MCF2L: variants seen among roughly 807,000 people sequenced by gnomAD.
MCF2L encodes the protein guanine nucleotide exchange factor DBS.
MCF2L carries 97 observed loss-of-function variants against 153.4 expected under a neutral mutation model. That is an observed-to-expected ratio of 0.63 (90% CI 0.54 to 0.75). The LOEUF (loss-of-function observed/expected upper bound fraction) is 0.75. Ranked by LOEUF, MCF2L falls within the 30% of genes least tolerant of loss-of-function variation. The pLI, the probability that MCF2L is intolerant of heterozygous loss-of-function variation, is 0.00. For synonymous variants in MCF2L, 659 were observed against 632.2 expected (o/e 1.04, Z -0.64); for missense variants, 1,347 against 1,495.2 (o/e 0.90, Z 1.64).
intron 1 of MCF2L, chr13:113,001,456 A>C: frequency 6.4e-6 from 1 of 157,260 alleles, no homozygotes; most frequent in Non-Finnish European, 1.4e-5. Flanking sequence ...AGCACAGGGG[A>C]TGCGGACCTC....
intron 1 of MCF2L, among the ~76,000 whole-genome samples, chr13:113,000,904 C>G (rs1052424261): frequency 2.0e-5 from 3 of 152,194 alleles, no homozygotes; most frequent in South Asian, 4.1e-4. Flanking sequence ...GGGGCTGACT[C>G]CAGCAGTGGG....
At chr13:113,015,900 A>C (rs931105828) in intron 2 of MCF2L, among the ~76,000 whole-genome samples, 1 of 152,162 alleles carries the variant, frequency 6.6e-6, no homozygotes, top group Non-Finnish European at 1.5e-5. Context: ...GTGATGGCTC[A>C]AGAGAGGCGC....
At chr13:112,997,384 C>T (rs541827426) in intron 1 of MCF2L, among the ~76,000 whole-genome samples, 2 of 152,310 alleles carry the variant, frequency 1.3e-5, no homozygotes, top group East Asian at 1.9e-4. Context: ...ACAGGCAGCT[C>T]CTGCAGACAC....
rs1367629650 is a variant in MCF2L at position 112,906,205 on chromosome 13, ACT to A, written c.169+3837_169+3838del. Among the ~76,000 whole-genome samples the A allele has an allele frequency of 1.4e-4, 22 of 152,168 alleles. 1 individual carries two copies. Among genetic ancestry groups the A allele is most frequent in the Middle Eastern group, 3.4e-3 (1 of 294 alleles). On this transcript the variant is annotated intron_variant, in intron 2 of 29. Coordinates refer to the MCF2L transcript ENST00000375608. ...AGTGTTCCACCACATTGTTTCAGTG[ACT>A]CTGCGATTAACTGTTTCACAGTCAG...
intron 2 of MCF2L, 49 bp downstream of exon 2, chr13:113,014,895 G>C (rs980113862): frequency 6.4e-7 from 1 of 1,566,892 alleles, no homozygotes; most frequent in Non-Finnish European, 8.8e-7. Flanking sequence ...GTCTGGGGCC[G>C]GGTGTGGGCC....
chr13:113,096,414 G>T lies in MCF2L; in HGVS notation c.3119G>T (p.Gly1040Val). ...YTVVADHEKG[G>V]PDALRVRSGD... ...GTCGTGGCGGACCACGAGAAGGGAG[G>T]CCCCGATGCGCTGCGCGTGAGGAGC... Residue 1040 changes from glycine (G) to valine (V), a missense_variant, in exon 28 of 30, where the codon GGC becomes GTC. Gly to Val is a moderately radical substitution (Grantham distance 109). Coordinates refer to ENST00000535094, the MANE Select transcript of MCF2L (RefSeq NM_001112732.3). The T allele has an allele frequency of 6.3e-7, 1 of 1,595,074 alleles. No individual in the cohort carries two copies. The highest frequency in any genetic ancestry group is 2.3e-5 in the East Asian group (1 of 43,996).
At chr13:112,899,467 C>T (rs548121177) in intron 1 of MCF2L, among the ~76,000 whole-genome samples, 4 of 152,292 alleles carry the variant, frequency 2.6e-5, no homozygotes, top group East Asian at 1.9e-4. Context: ...CCTCTCGGGG[C>T]GGGAAAGTCT....
At chr13:112,948,863 C>A (rs937545752) in intron 2 of MCF2L, among the ~76,000 whole-genome samples, 1 of 152,198 alleles carries the variant, frequency 6.6e-6, no homozygotes, top group African/African-American at 2.4e-5. Flanking sequence ...GCCAGGAGTT[C>A]GAGACCAGCC....
intron 1 of MCF2L, among the ~76,000 whole-genome samples, chr13:113,000,648 G>A (rs368131842): frequency 2.0e-5 from 3 of 152,228 alleles, no homozygotes; most frequent in African/African-American, 7.2e-5. Context: ...TGAGGGAGCC[G>A]AGGTTTCCAG....
At chr13:112,918,102 G>A (rs1417914990) in intron 2 of MCF2L, among the ~76,000 whole-genome samples, 2 of 152,212 alleles carry the variant, frequency 1.3e-5, no homozygotes, top group African/African-American at 4.8e-5. Context: ...TTGAAGGCAG[G>A]ACCTGTCTCT....
chr13:113,017,128 G>C (rs1285885407), intron 2 of MCF2L, among the ~76,000 whole-genome samples: 1 of 152,188 alleles, frequency 6.6e-6, no homozygotes. Context: ...GGGTGTGTGC[G>C]TTGCCAATCG....
chr13:113,097,249 A>T lies in MCF2L; in HGVS notation c.*390A>T. 5.6e-6 allele frequency: 1 copy of T among 179,246 alleles called. No homozygotes were observed. The highest frequency in any genetic ancestry group is 1.2e-5 in the Non-Finnish European group (1 of 85,736). The allele number at this position is 179,246 out of a possible 1,614,324, so 11.1% of individuals were successfully genotyped here. A position where few individuals can be genotyped will look rare whatever the true frequency, so the allele number is the denominator to read the frequency against. On this transcript the variant is annotated 3_prime_UTR_variant, in exon 30 of 30. Coordinates refer to ENST00000535094, the MANE Select transcript of MCF2L (RefSeq NM_001112732.3). Reference sequence around the variant, plus strand: ...GCCAACGGCCTGAGGAGAGCGGGGCACGGGGTCTCTTTAGCTTTTACAAGT... The same window carrying T: ...GCCAACGGCCTGAGGAGAGCGGGGCTCGGGGTCTCTTTAGCTTTTACAAGT...
At chr13:113,001,964 G>C in intron 1 of MCF2L, 1 of 1,590,768 alleles carries the variant, frequency 6.3e-7, no homozygotes, top group Non-Finnish European at 8.5e-7. Flanking sequence ...CGCTGTGGCT[G>C]CTGCTGAAGG....
intron 1 of MCF2L, among the ~76,000 whole-genome samples, chr13:113,007,032 C>T (rs949439259): frequency 1.3e-5 from 2 of 152,184 alleles, no homozygotes; most frequent in Non-Finnish European, 2.9e-5. Context: ...CATCCTGAAA[C>T]CCGGCCTCCT....
intron 16 of MCF2L, among the ~76,000 whole-genome samples, chr13:113,081,820 G>A (rs1024979860): frequency 4.0e-5 from 6 of 151,894 alleles, no homozygotes; most frequent in South Asian, 2.1e-4. Context: ...CCGAATCACC[G>A]AGTGTTCAGA....
rs200361957 is a variant in MCF2L at position 113,033,381 on chromosome 13, G to A, written c.278+8623G>A. Among the ~76,000 whole-genome samples, 58 of 98,880 alleles carry A rather than the reference G, an allele frequency of 5.9e-4. 1 individual carries two copies. The highest frequency in any genetic ancestry group is 5.4e-3 in the Middle Eastern group (1 of 186). 64.9% of individuals were successfully genotyped at this position (98,880 alleles called of 152,430 possible). On this transcript the variant is annotated intron_variant, in intron 3 of 29. Transcript: ENST00000535094. ...GTGGCGTGAGTGGCCCCCGTGACGTGAGTGGCCCCCGTGATGTGAGTGGAC... is the reference window on the plus strand; with the variant it reads ...GTGGCGTGAGTGGCCCCCGTGACGTAAGTGGCCCCCGTGATGTGAGTGGAC...
chr13:113,025,191 G>A (rs1297085534), intron 3 of MCF2L, among the ~76,000 whole-genome samples: 1 of 113,654 alleles, frequency 8.8e-6, no homozygotes, highest in African/African-American at 3.3e-5. Context: ...GTCCCTGTGA[G>A]GTTTCCCCAT....
rs1594774169 is a variant in MCF2L, at chr13:113,035,046, C to T, written c.279-10225C>T. Among the ~76,000 whole-genome samples the T allele has an allele frequency of 6.6e-6, 1 of 152,210 alleles. No individual in the cohort carries two copies. Among genetic ancestry groups the T allele is most frequent in the Non-Finnish European group, 1.5e-5 (1 of 68,048 alleles). On this transcript the variant is annotated intron_variant, in intron 3 of 29. Coordinates refer to ENST00000535094, the MANE Select transcript of MCF2L (RefSeq NM_001112732.3). This position sits in a 1 kb window ranked among gnomAD's most constrained non-coding sequence, Gnocchi z 4.4. ...AGGAAGAGCATGGCCCCCGTGAAGCCCCTCGGGAGGAAGGGTTCCTGTCCA... is the reference window on the plus strand; with the variant it reads ...AGGAAGAGCATGGCCCCCGTGAAGCTCCTCGGGAGGAAGGGTTCCTGTCCA...
At chr13:113,019,282 C>CG (rs2084729073) in intron 2 of MCF2L, among the ~76,000 whole-genome samples, 1 of 152,220 alleles carries the variant, frequency 6.6e-6, no homozygotes, top group Admixed American at 6.5e-5. Context: ...GGAAGGACCC[C>CG]GGAGTCTCCC....
Sources: allele counts gnomAD v4.1 joint callset (sites outside exome capture counted in the v4.1 genomes callset), GRCh38; gene constraint gnomAD v4.1.1; non-coding constraint Gnocchi (gnomAD v3.1); transcripts MANE v1.5; gene names NCBI Gene and HGNC (gene_info 2026-07-23, HGNC 2026-07-21).